PZP: variants seen among roughly 807,000 people sequenced by gnomAD.
The protein encoded by PZP is PZP alpha-2-macroglobulin like.
Under a neutral mutation model 179.8 loss-of-function variants are expected in PZP, and 150 were observed. The observed-to-expected ratio is 0.83, with a 90% CI of 0.73 to 0.96. PZP has a LOEUF of 0.96. Among genes scored for constraint, PZP ranks in the 40% least tolerant of loss-of-function variants. PZP has a pLI of 0.00. For synonymous variants in PZP, 624 were observed against 652.3 expected (o/e 0.96, Z 0.66); for missense variants, 1,689 against 1,764.0 (o/e 0.96, Z 0.76).
At chr12:9,160,184 T>G in intron 24 of PZP, 130 bp downstream of exon 24, 1 of 1,085,606 alleles carries the variant, frequency 9.2e-7, no homozygotes, top group Non-Finnish European at 1.3e-6. Flanking sequence ...CAACATCCTA[T>G]TAGAGTGTGG....
chr12:9,197,321 C>T (rs986760552), intron 7 of PZP, among the ~76,000 whole-genome samples, 198 bp from the exon 8 acceptor site: 2 of 147,958 alleles, frequency 1.4e-5, no homozygotes, highest in African/African-American at 5.0e-5. Context: ...CTGCACTGTA[C>T]CACCACATTC....
chr12:9,192,658 G>A lies in PZP; in HGVS notation c.1336C>T (p.Arg446Cys), dbSNP rs767886293. The A allele has an allele frequency of 1.4e-5, 22 of 1,613,818 alleles. No individual in the cohort carries two copies. The Admixed American group carries it at 2.0e-4, about 15-fold the overall frequency. The change falls in exon 12 of 36, where the codon CGT becomes TGT. Residue 446 changes from arginine (R) to cysteine (C), a missense_variant. This residue lies in a region of PZP where 742 missense variants were observed against 730.5 expected (regional missense o/e 1.02). Coordinates refer to ENST00000261336, the MANE Select transcript of PZP (RefSeq NM_002864.3). ...DHQGAQHTAN[R>C]VFSLSGSYIH... Reference sequence around the variant, plus strand: ...TAACTTCCACTTAAGGAGAAAACACGATTTGCAGTGTGCTGAGCACCCTGG... The same window carrying A: ...TAACTTCCACTTAAGGAGAAAACACAATTTGCAGTGTGCTGAGCACCCTGG...
In PZP at chr12:9,157,759, G is replaced by A. The variant is rs1940868770; in HGVS notation, c.3369+8C>T. The A allele has an allele frequency of 6.2e-7, 1 of 1,611,476 alleles. No individual in the cohort carries two copies. The highest frequency in any genetic ancestry group is 8.5e-7 in the Non-Finnish European group (1 of 1,177,618). On this transcript the variant is annotated splice_region_variant and intron_variant, in intron 27 of 35. Coordinates refer to ENST00000261336, the MANE Select transcript of PZP (RefSeq NM_002864.3). ...CATGGTAGGGAATGGGATTGAGCTG[G>A]TACCTACAGTGACTGGGAGAGGAAT... is the stretch of plus-strand genomic sequence containing the variant.
the PZP span, among the ~76,000 whole-genome samples, chr12:9,137,986 C>T: frequency 6.6e-6 from 1 of 151,978 alleles, no homozygotes; most frequent in Non-Finnish European, 1.5e-5. Flanking sequence ...TTATCTCTTC[C>T]TTTCTGATTT....
rs1298839808 is a variant in PZP, at chr12:9,170,848, C to T, written c.1840-1257G>A. On this transcript the variant is annotated intron_variant, in intron 15 of 35. Transcript: ENST00000261336. This position sits in a 1 kb window ranked among gnomAD's most constrained non-coding sequence, Gnocchi z 4.6. ...TTCTAAAGACAGAGCTTTGATCTCT[C>T]CCTGGGACCGAGCTCCTGGGGGGCA... Among the ~76,000 whole-genome samples the T allele has an allele frequency of 6.6e-6, 1 of 152,144 alleles. No homozygotes were observed. The highest frequency in any genetic ancestry group is 1.5e-5 in the Non-Finnish European group (1 of 68,040).
chr12:9,182,157 A>AGACAAAATGGTCATAAGTGG (rs745324108), intron 13 of PZP, 40 bp from the exon 14 acceptor site: 1 of 1,598,004 alleles, frequency 6.3e-7, no homozygotes, highest in Non-Finnish European at 8.5e-7. Context: ...GTCATAAGTG[A>AGACAAAATGGTCATAAGTGG]GACAAAAAGG....
intron 32 of PZP, 146 bp downstream of exon 32, chr12:9,152,074 A>T: frequency 1.5e-6 from 1 of 678,536 alleles, no homozygotes; most frequent in Non-Finnish European, 2.6e-6. Context: ...ACGGCCAACT[A>T]AATAGTTCAT....
chr12:9,194,009 T>C, intron 11 of PZP, 68 bp downstream of exon 11: 1 of 1,413,818 alleles, frequency 7.1e-7, no homozygotes, highest in South Asian at 1.4e-5. Flanking sequence ...AATCTGTACA[T>C]TTCTTCTGAA....
At chr12:9,153,908 T>G (rs1940550478) in intron 29 of PZP, among the ~76,000 whole-genome samples, 1 of 152,196 alleles carries the variant, frequency 6.6e-6, no homozygotes, top group East Asian at 1.9e-4. Context: ...GATAAAATAC[T>G]TTTAGAATTA....
intron 1 of PZP, among the ~76,000 whole-genome samples, chr12:9,207,560 G>A (rs1243304663): frequency 1.3e-5 from 2 of 152,186 alleles, no homozygotes; most frequent in East Asian, 1.9e-4. Context: ...GGACTGTTGG[G>A]TCCTGAACAC....
chr12:9,184,593 C>T (rs1474517436), intron 13 of PZP, among the ~76,000 whole-genome samples: 2 of 152,236 alleles, frequency 1.3e-5, no homozygotes, highest in Non-Finnish European at 2.9e-5. Flanking sequence ...TGCCATGCTG[C>T]TGGTACATGT....
chr12:9,200,686 T>C (rs1565667789), intron 6 of PZP, among the ~76,000 whole-genome samples: 2 of 152,146 alleles, frequency 1.3e-5, no homozygotes, highest in South Asian at 4.1e-4. Context: ...AAACAAGAAG[T>C]TTCATACTTG....
At chr12:9,194,566 G>A (rs1455788294) in intron 10 of PZP, among the ~76,000 whole-genome samples, 2 of 146,412 alleles carry the variant, frequency 1.4e-5, no homozygotes, top group Non-Finnish European at 3.0e-5. Context: ...CTGGACTCAC[G>A]CCATTCTCCT....
intron 10 of PZP, 132 bp from the exon 11 acceptor site, chr12:9,194,370 T>C (rs1318793774): frequency 1.4e-6 from 1 of 706,104 alleles, no homozygotes; most frequent in Non-Finnish European, 2.3e-6. Flanking sequence ...CAAACCTTCA[T>C]ATTTACGACA....
the PZP span, among the ~76,000 whole-genome samples, chr12:9,139,616 G>A: frequency 6.6e-6 from 1 of 152,034 alleles, no homozygotes; most frequent in Non-Finnish European, 1.5e-5. Context: ...TTCTACTGTT[G>A]GATGCATATA....
At position 9,192,731 on chromosome 12, in the gene PZP, A is replaced by G. The variant is rs1213604439; in HGVS notation, c.1263T>C (p.Thr421=). The G allele has an allele frequency of 6.2e-7, 1 of 1,603,662 alleles. No homozygotes were observed. Among genetic ancestry groups the G allele is most frequent in the South Asian group, 1.1e-5 (1 of 90,778 alleles). ...AGTGAAAACACAAGTTGGGATGCAC[A>G]GTGAAAACCTGAGTAAACAGAAAAG... ...SVNKLFVRVF[T]VHPNLCFHYS... Residue 421 remains threonine, a synonymous_variant, in exon 12 of 36, where the codon ACT becomes ACC. Transcript: ENST00000261336.
At chr12:9,206,624 A>G (rs1944450406) in intron 1 of PZP, among the ~76,000 whole-genome samples, 1 of 152,212 alleles carries the variant, frequency 6.6e-6, no homozygotes, top group Admixed American at 6.5e-5. Context: ...GCCCCAAGGC[A>G]GGGGAGAATG....
At position 9,202,787 on chromosome 12, in the gene PZP, G is replaced by C. The variant is rs1050198710; in HGVS notation, c.268-103C>G. ...CTATCTCTCCTTCAGCTTCACCAAG[G>C]AGAAGGAAGGTGTGACTATTTCTTC... On this transcript the variant is annotated intron_variant, in intron 2 of 35. Coordinates refer to ENST00000261336, the MANE Select transcript of PZP (RefSeq NM_002864.3). The C allele has an allele frequency of 1.1e-5, 12 of 1,102,382 alleles. No individual in the cohort carries two copies. The African/African-American group carries it at 1.9e-4, about 17-fold the overall frequency. 68.3% of individuals were successfully genotyped at this position (1,102,382 alleles called of 1,614,324 possible). A position where few individuals can be genotyped will look rare whatever the true frequency, so the allele number is the denominator to read the frequency against.
intron 15 of PZP, among the ~76,000 whole-genome samples, chr12:9,173,216 A>T (rs1314784293): frequency 1.3e-5 from 2 of 152,248 alleles, no homozygotes; most frequent in East Asian, 3.8e-4. Context: ...ACTGCTCCTG[A>T]ATGACTCTTG....
Sources: gnomAD v4.1 joint callset for allele counts (sites outside exome capture counted in the v4.1 genomes callset) on GRCh38, gnomAD v4.1.1 for gene constraint, gnomAD v4.1.1 regional missense constraint, Gnocchi (gnomAD v3.1) non-coding constraint, MANE v1.5 for transcripts, NCBI Gene and HGNC (gene_info 2026-07-23, HGNC 2026-07-21) for gene names.